The following HECTD4 variants were observed in gnomAD, a reference collection of about 807,000 sequenced individuals.
HECTD4 encodes HECT domain E3 ubiquitin protein ligase 4.
HECTD4 carries 114 observed loss-of-function variants against 471.5 expected under a neutral mutation model. The observed-to-expected ratio is 0.24, with a 90% CI of 0.21 to 0.28. The LOEUF is 0.28. Ranked by LOEUF, HECTD4 falls within the 10% of genes least tolerant of loss-of-function variation. HECTD4 has a pLI of 1.00. For missense variants in HECTD4, 3,866 were observed against 5,651.5 expected (o/e 0.68, Z 10.13); for synonymous variants, 2,012 against 2,256.0 (o/e 0.89, Z 3.07).
intron 7 of HECTD4, among the ~76,000 whole-genome samples, chr12:112,283,945 C>T (rs2034695190): frequency 6.7e-6 from 1 of 148,706 alleles, no homozygotes. Flanking sequence ...ACCTGGTTTT[C>T]TTCTTTCTTC....
intron 44 of HECTD4, among the ~76,000 whole-genome samples, chr12:112,223,598 T>C (rs1320170249): frequency 2.0e-5 from 3 of 152,200 alleles, no homozygotes; most frequent in African/African-American, 7.2e-5. Context: ...TTTTGTATTC[T>C]GAGTAGAGAC....
chr12:112,240,223 C>T lies in HECTD4; in HGVS notation c.4959-196G>A, dbSNP rs547525994. On this transcript the variant is annotated intron_variant, in intron 32 of 75. Coordinates refer to ENST00000682272, the MANE Select transcript of HECTD4 (RefSeq NM_001388303.1). ...AGTTTTAGGTGTGCCTCCAAAACAGCGGTCCACACTCCAGAAAAGTCTAGG... is the reference window on the plus strand; with the variant it reads ...AGTTTTAGGTGTGCCTCCAAAACAGTGGTCCACACTCCAGAAAAGTCTAGG... Among the ~76,000 whole-genome samples, 5 of 152,254 alleles carry T rather than the reference C, an allele frequency of 3.3e-5. No individual in the cohort carries two copies. In the East Asian group the frequency reaches 9.6e-4, roughly 29 times the overall value.
At chr12:112,233,218 T>C (rs1296001438) in intron 37 of HECTD4, 133 bp from the exon 38 acceptor site, 3 of 354,412 alleles carry the variant, frequency 8.5e-6, no homozygotes, top group Non-Finnish European at 1.5e-5. Flanking sequence ...CATTAGCTTT[T>C]TTTTTTTTTT....
Position 112,298,279 on chromosome 12 carries a change from G to C in HECTD4, c.1335+7785C>G, listed in dbSNP as rs74861215. ...GTATCTGTATGCTGTGGTGGACAAT[G>C]AACTGAGAGAGGAAAAGTTGTTAAC... On this transcript the variant is annotated intron_variant, in intron 7 of 75. Coordinates refer to ENST00000682272, the MANE Select transcript of HECTD4 (RefSeq NM_001388303.1). Among the ~76,000 whole-genome samples, 8,455 of 152,074 alleles carry C rather than the reference G, an allele frequency of 0.056. 1,295 individuals are homozygous for C. The East Asian group carries it at 0.61, about 11-fold the overall frequency.
chr12:112,243,318 A>G lies in HECTD4; in HGVS notation c.4958+35T>C. 1 of 1,585,526 alleles carries G rather than the reference A, an allele frequency of 6.3e-7. No homozygotes were observed. The highest frequency in any genetic ancestry group is 2.3e-5 in the East Asian group (1 of 44,074). ...TCTTTTGAATGGCTCTGACCATTCTAGAAAGGACAGTATAAACTAACAGAA... is the reference window on the plus strand; with the variant it reads ...TCTTTTGAATGGCTCTGACCATTCTGGAAAGGACAGTATAAACTAACAGAA... On this transcript the variant is annotated intron_variant, in intron 32 of 75. Coordinates refer to ENST00000682272, the MANE Select transcript of HECTD4 (RefSeq NM_001388303.1). This position sits in a 1 kb window ranked among gnomAD's most constrained non-coding sequence, Gnocchi z 6.6.
chr12:112,278,402 A>T (rs571711285), intron 9 of HECTD4, among the ~76,000 whole-genome samples: 2 of 152,332 alleles, frequency 1.3e-5, no homozygotes, highest in South Asian at 4.1e-4. Context: ...TCTATACTTT[A>T]TCCCATTTAA....
intron 22 of HECTD4, 74 bp downstream of exon 22, chr12:112,253,969 A>C: frequency 6.5e-7 from 1 of 1,527,994 alleles, no homozygotes; most frequent in Non-Finnish European, 9.0e-7. Context: ...CTGGGATTAC[A>C]GTTAGTACTT....
In HECTD4 at chr12:112,290,328, T is replaced by A. The variant is rs200675190; in HGVS notation, c.1336-7026A>T. On this transcript the variant is annotated intron_variant, in intron 7 of 75. Transcript: ENST00000682272. Reference sequence around the variant, plus strand: ...AAGTGAGAGCTAGTCTCAAAAAAAATAATCAATCAATCAATCAATCATAGG... The same window carrying A: ...AAGTGAGAGCTAGTCTCAAAAAAAAAAATCAATCAATCAATCAATCATAGG... 1.5e-4 allele frequency among the ~76,000 whole-genome samples: 20 copies of A among 136,696 alleles called. No individual in the cohort carries two copies. The East Asian group carries it at 0.011, about 74-fold the overall frequency. The allele number at this position is 136,696 out of a possible 152,430, so 89.7% of individuals were successfully genotyped here.
At chr12:112,185,713 G>A (rs1341016434) in intron 60 of HECTD4, among the ~76,000 whole-genome samples, 1 of 152,246 alleles carries the variant, frequency 6.6e-6, no homozygotes. Context: ...GAGCTGACAG[G>A]TCAGCTCCAG....
chr12:112,245,047 G>C (rs569106168), intron 29 of HECTD4, among the ~76,000 whole-genome samples: 6 of 152,166 alleles, frequency 3.9e-5, no homozygotes, highest in African/African-American at 1.4e-4. Flanking sequence ...CTGTTGCCCA[G>C]GCTGAAGAGC....
At position 112,290,853 on chromosome 12, in the gene HECTD4, A is replaced by C. The variant is rs563825621; in HGVS notation, c.1336-7551T>G. 9.2e-3 allele frequency among the ~76,000 whole-genome samples: 1,368 copies of C among 148,174 alleles called. 19 individuals are homozygous for C. Among genetic ancestry groups the C allele is most frequent in the Non-Finnish European group, 0.011 (732 of 67,804 alleles). On this transcript the variant is annotated intron_variant, in intron 7 of 75. Coordinates refer to ENST00000682272, the MANE Select transcript of HECTD4 (RefSeq NM_001388303.1). ...ACAAGAGCGAAACTCCGTCTCAAAA[A>C]AAAACAAAACAAAAAAAAAAAACAA...
At chr12:112,306,260 C>T in intron 6 of HECTD4, 26 bp from the exon 7 acceptor site, 3 of 1,456,420 alleles carry the variant, frequency 2.1e-6, no homozygotes, top group Non-Finnish European at 2.7e-6. Flanking sequence ...AGGAAATCTC[C>T]ATTAGAGCCA....
At chr12:112,257,349 CG>C (rs2034040150) in intron 20 of HECTD4, among the ~76,000 whole-genome samples, 1 of 152,172 alleles carries the variant, frequency 6.6e-6, no homozygotes, top group Admixed American at 6.5e-5. Context: ...TTCATCACTG[CG>C]AAAAGCTCAA....
At chr12:112,258,025 T>A (rs1767693643) in intron 20 of HECTD4, among the ~76,000 whole-genome samples, 1 of 151,786 alleles carries the variant, frequency 6.6e-6, no homozygotes, top group African/African-American at 2.4e-5. Flanking sequence ...TCGTCTCTAC[T>A]AAAAAATACA....
intron 18 of HECTD4, among the ~76,000 whole-genome samples, chr12:112,260,743 AT>A (rs200690215): frequency 0.066 from 9,154 of 138,618 alleles, 1,139 homozygotes; most frequent in East Asian, 0.6. Flanking sequence ...TGCCTGGCTA[AT>A]TTTTTTTTTT....
At position 112,230,792 on chromosome 12, in the gene HECTD4, C is replaced by T. The variant is rs755031637; in HGVS notation, c.6231G>A (p.Gly2077=). The change falls in exon 40 of 76, where the codon GGG becomes GGA. Residue 2077 remains glycine (G), a synonymous_variant. Transcript: ENST00000682272. ...RTDPVRPFIS[G]HVANSMAAEV... The stretch of plus-strand genomic sequence containing the variant: ...CTGCAGCCATGCTGTTTGCCACATG[C>T]CCACTGATGAAGGGACGCACAGGAT... 2 of 1,610,468 alleles carry T rather than the reference C, an allele frequency of 1.2e-6. No individual in the cohort carries two copies. The highest frequency in any genetic ancestry group is 2.7e-5 in the African/African-American group (2 of 74,852).
At chr12:112,365,057 A>G (rs917416914) in intron 1 of HECTD4, among the ~76,000 whole-genome samples, 1 of 152,256 alleles carries the variant, frequency 6.6e-6, no homozygotes, top group Admixed American at 6.5e-5. Context: ...TGACCCTGAA[A>G]GCCAGTTTAC....
Position 112,210,120 on chromosome 12 carries a change from C to A in HECTD4, c.7762G>T (p.Ala2588Ser). The A allele has an allele frequency of 1.2e-6, 2 of 1,613,972 alleles. No individual in the cohort carries two copies. Among genetic ancestry groups the A allele is most frequent in the Non-Finnish European group, 1.7e-6 (2 of 1,179,894 alleles). The change falls in exon 50 of 76, where the codon GCC (alanine) becomes TCC (serine). Residue 2588 changes from alanine to serine, a missense_variant. By Grantham distance (99) the Ala-to-Ser change is moderately conservative. Transcript: ENST00000682272. ...ISANFEALPF[A>S]MASDSDNDAG... The stretch of plus-strand genomic sequence containing the variant: ...TCATTGTCACTGTCAGATGCCATGG[C>A]GAAAGGCAGGGCCTCAAAGTTAGCG...
At chr12:112,246,809 T>C (rs2033773444) in intron 29 of HECTD4, 92 bp downstream of exon 29, 2 of 1,198,140 alleles carry the variant, frequency 1.7e-6, no homozygotes, top group African/African-American at 3.1e-5. Flanking sequence ...CAAGAGTGAA[T>C]TTTTCAAAAT....
Sources: allele counts gnomAD v4.1 joint callset (sites outside exome capture counted in the v4.1 genomes callset), GRCh38; gene constraint gnomAD v4.1.1; non-coding constraint Gnocchi (gnomAD v3.1); transcripts MANE v1.5; gene names NCBI Gene and HGNC (gene_info 2026-07-23, HGNC 2026-07-21).